PROS1: variants seen among roughly 807,000 people sequenced by gnomAD.
PROS1 encodes the protein protein S.
A neutral mutation model predicts 75.9 loss-of-function variants in PROS1; 29 were observed. The ratio of observed to expected loss-of-function variants is 0.38; its 90% CI spans 0.28 to 0.52. The LOEUF is 0.52. PROS1 is among the 20% of genes least tolerant of loss of function. The probability of loss-of-function intolerance (pLI) is 0.83; values close to 1 mark genes in which losing one functional copy is unlikely to be tolerated. For synonymous variants in PROS1, 245 were observed against 280.6 expected (o/e 0.87, Z 1.27); for missense variants, 680 against 810.3 (o/e 0.84, Z 1.95).
At chr3:93,929,996 A>G (rs563565414) in intron 1 of PROS1, among the ~76,000 whole-genome samples, 1 of 152,340 alleles carries the variant, frequency 6.6e-6, no homozygotes, top group Admixed American at 6.5e-5. Context: ...GAAAAAAGCA[A>G]AAAGATTTAT....
intron 1 of PROS1, among the ~76,000 whole-genome samples, chr3:93,962,711 C>A (rs530239256): frequency 6.6e-6 from 1 of 152,192 alleles, no homozygotes; most frequent in African/African-American, 2.4e-5. Flanking sequence ...AGACTCAAAC[C>A]CAAAGCTTTC....
chr3:93,946,840 A>G (rs1342111120), intron 1 of PROS1, among the ~76,000 whole-genome samples: 6 of 139,444 alleles, frequency 4.3e-5, no homozygotes, highest in South Asian at 2.3e-4. Context: ...TCTGCACAGA[A>G]AAAAAAAAAA....
At chr3:93,916,357 A>G (rs1441296228) in intron 3 of PROS1, among the ~76,000 whole-genome samples, 1 of 152,204 alleles carries the variant, frequency 6.6e-6, no homozygotes, top group East Asian at 1.9e-4. Flanking sequence ...CAAAATTTGA[A>G]AGCTCTGAGG....
At chr3:93,970,555 C>T (rs895100571) in intron 1 of PROS1, among the ~76,000 whole-genome samples, 1 of 151,882 alleles carries the variant, frequency 6.6e-6, no homozygotes, top group Non-Finnish European at 1.5e-5. Context: ...GCTGCCCAGG[C>T]TGGTCTTGAA....
intron 10 of PROS1, among the ~76,000 whole-genome samples, chr3:93,891,688 G>T (rs1229538829): frequency 6.6e-6 from 1 of 152,106 alleles, no homozygotes; most frequent in East Asian, 1.9e-4. Flanking sequence ...GGGATTACAG[G>T]CATGAGCCAC....
intron 10 of PROS1, among the ~76,000 whole-genome samples, chr3:93,888,168 A>G (rs1433583550): frequency 2.0e-5 from 3 of 152,150 alleles, no homozygotes; most frequent in Non-Finnish European, 4.4e-5. Context: ...ACAACTAAGG[A>G]TAGATTGATA....
chr3:93,903,266 C>T (rs1351787693), intron 6 of PROS1, among the ~76,000 whole-genome samples: 1 of 152,110 alleles, frequency 6.6e-6, no homozygotes, highest in Non-Finnish European at 1.5e-5. Flanking sequence ...CAGATGTGGT[C>T]ATCAGGAACA....
chr3:93,873,381 T>G lies in PROS1; in HGVS notation c.*864A>C, dbSNP rs1297023916. ...TTGTTCTGGTTTTCATAGTTCCTTT[T>G]GTACTTCAACAATCACATTTTGGCA... On this transcript the variant is annotated 3_prime_UTR_variant, in exon 15 of 15. Transcript: ENST00000394236. The G allele has an allele frequency of 6.6e-6, 1 of 152,210 alleles. No individual in the cohort carries two copies. Among genetic ancestry groups the G allele is most frequent in the Non-Finnish European group, 1.5e-5 (1 of 68,018 alleles). 9.4% of individuals were successfully genotyped at this position (152,210 alleles called of 1,614,324 possible).
chr3:93,941,111 C>T (rs1018336140), intron 1 of PROS1, among the ~76,000 whole-genome samples: 23 of 152,284 alleles, frequency 1.5e-4, no homozygotes, highest in African/African-American at 4.8e-4. Flanking sequence ...GGCTGTACTG[C>T]TGCAAGGCTT....
chr3:93,914,602 T>C (rs1460890086), intron 3 of PROS1, among the ~76,000 whole-genome samples: 1 of 152,158 alleles, frequency 6.6e-6, no homozygotes, highest in African/African-American at 2.4e-5. Flanking sequence ...TTCAAAAATC[T>C]CTCAAATGTC....
intron 1 of PROS1, among the ~76,000 whole-genome samples, chr3:93,934,898 G>A (rs570995889): frequency 1.1e-4 from 16 of 150,198 alleles, no homozygotes; most frequent in Admixed American, 9.3e-4. Flanking sequence ...CTTACACCAA[G>A]ATTTAATTAT....
intron 1 of PROS1, among the ~76,000 whole-genome samples, chr3:93,971,576 G>A (rs1345647773): frequency 6.7e-6 from 1 of 150,216 alleles, no homozygotes; most frequent in Non-Finnish European, 1.5e-5. Flanking sequence ...GACCAGCCTA[G>A]GCAATATGGC....
chr3:93,954,662 A>G (rs1209475031), intron 1 of PROS1, among the ~76,000 whole-genome samples: 1 of 152,220 alleles, frequency 6.6e-6, no homozygotes, highest in Non-Finnish European at 1.5e-5. Context: ...GGACATAGGC[A>G]TGGTCAAGGA....
chr3:93,904,646 A>G (rs1708647351), intron 6 of PROS1, among the ~76,000 whole-genome samples: 1 of 152,142 alleles, frequency 6.6e-6, no homozygotes, highest in Admixed American at 6.5e-5. Flanking sequence ...AGCAAACAAA[A>G]AGTACTGGAG....
chr3:93,941,860 A>C (rs1468812808), intron 1 of PROS1, among the ~76,000 whole-genome samples: 1 of 152,062 alleles, frequency 6.6e-6, no homozygotes, highest in African/African-American at 2.4e-5. Flanking sequence ...ATAACTTCCA[A>C]AATCTATTTT....
chr3:93,956,552 AC>A (rs1709604971), intron 1 of PROS1, among the ~76,000 whole-genome samples: 1 of 82,020 alleles, frequency 1.2e-5, no homozygotes, highest in African/African-American at 3.6e-5. Flanking sequence ...ACACACACAC[AC>A]ACACACACAA....
Position 93,910,794 on chromosome 3 carries a change from A to G in PROS1, c.260-89T>C, listed in dbSNP as rs73145870. ...TAGGAACTGTCCCAAGAGGTAGGAC[A>G]TTTATGCTCCTGTAGATTCACAAGA... On this transcript the variant is annotated intron_variant, in intron 3 of 14. Coordinates refer to ENST00000394236, the MANE Select transcript of PROS1 (RefSeq NM_000313.4). 9.4e-3 allele frequency: 9,589 copies of G among 1,015,694 alleles called. 65 individuals are homozygous for G. The highest frequency in any genetic ancestry group is 0.018 in the Middle Eastern group (69 of 3,884). The allele number at this position is 1,015,694 out of a possible 1,614,324, so 62.9% of individuals were successfully genotyped here. A position where few individuals can be genotyped will look rare whatever the true frequency, so the allele number is the denominator to read the frequency against.
chr3:93,964,299 T>C (rs1709753613), intron 1 of PROS1, among the ~76,000 whole-genome samples: 1 of 152,204 alleles, frequency 6.6e-6, no homozygotes. Context: ...AGAGAGCCTA[T>C]AAATGGATGA....
intron 8 of PROS1, among the ~76,000 whole-genome samples, chr3:93,897,943 C>G (rs1708527691): frequency 6.6e-6 from 1 of 151,946 alleles, no homozygotes; most frequent in African/African-American, 2.4e-5. Context: ...ATACTTAAAC[C>G]CCACTAAATC....
Sources: allele counts gnomAD v4.1 joint callset (sites outside exome capture counted in the v4.1 genomes callset), GRCh38; gene constraint gnomAD v4.1.1; transcripts MANE v1.5; gene names NCBI Gene and HGNC (gene_info 2026-07-23, HGNC 2026-07-21).